Variants in ANKFN1 observed in about 807,000 individuals in gnomAD.
ANKFN1 encodes ankyrin repeat and fibronectin type III domain containing 1.
Under a neutral mutation model 108.7 loss-of-function variants are expected in ANKFN1, and 74 were observed. That is an observed-to-expected ratio of 0.68 (90% CI 0.56 to 0.83). The LOEUF is 0.83. ANKFN1 is among the 40% of genes least tolerant of loss of function. ANKFN1 has a pLI of 0.00. For synonymous variants in ANKFN1, 547 were observed against 516.2 expected (o/e 1.06, Z -0.81); for missense variants, 1,505 against 1,382.3 (o/e 1.09, Z -1.41).
chr17:56,129,202 C>G (rs1907120405), intron 4 of ANKFN1, among the ~76,000 whole-genome samples: 1 of 152,160 alleles, frequency 6.6e-6, no homozygotes, highest in Non-Finnish European at 1.5e-5. Context: ...AACACCTAGA[C>G]TCCTGTTCTG....
chr17:56,341,938 G>C (rs1040648304), intron 4 of ANKFN1, among the ~76,000 whole-genome samples: 1 of 151,738 alleles, frequency 6.6e-6, no homozygotes, highest in African/African-American at 2.4e-5. Context: ...CTGGCCCTGG[G>C]CTTTTTTTGC....
At chr17:56,404,905 C>T (rs371881209) in intron 8 of ANKFN1, among the ~76,000 whole-genome samples, 5 of 152,196 alleles carry the variant, frequency 3.3e-5, no homozygotes, top group African/African-American at 9.7e-5. Context: ...TCCTATGAGT[C>T]GAACTGCAGT....
chr17:56,141,357 T>G (rs768130766), intron 4 of ANKFN1, among the ~76,000 whole-genome samples: 2 of 152,168 alleles, frequency 1.3e-5, no homozygotes, highest in African/African-American at 4.8e-5. Flanking sequence ...TAGTTGAAGA[T>G]TGGGGCAGCT....
chr17:56,297,857 A>G (rs1211752971), intron 3 of ANKFN1, among the ~76,000 whole-genome samples: 4 of 152,242 alleles, frequency 2.6e-5, no homozygotes, highest in Non-Finnish European at 5.9e-5. Context: ...AAACTGTACA[A>G]CACTGGGGAG....
At chr17:56,126,440 C>T (rs1443654165) in intron 4 of ANKFN1, among the ~76,000 whole-genome samples, 1 of 152,070 alleles carries the variant, frequency 6.6e-6, no homozygotes, top group African/African-American at 2.4e-5. Flanking sequence ...GGAGGGGAGG[C>T]TTCGTCATAT....
intron 8 of ANKFN1, among the ~76,000 whole-genome samples, chr17:56,432,322 T>G (rs2048784313): frequency 6.6e-6 from 1 of 151,986 alleles, no homozygotes; most frequent in Non-Finnish European, 1.5e-5. Flanking sequence ...TTTGTCTGAG[T>G]TAGTGATGTG....
intron 16 of ANKFN1, among the ~76,000 whole-genome samples, chr17:56,477,865 T>C (rs2050560115): frequency 6.6e-6 from 1 of 152,156 alleles, no homozygotes; most frequent in Admixed American, 6.5e-5. Context: ...TTCACTCTTG[T>C]TACCCAGGCT....
At chr17:56,189,651 A>G (rs1350473943) in intron 1 of ANKFN1, among the ~76,000 whole-genome samples, 1 of 152,140 alleles carries the variant, frequency 6.6e-6, no homozygotes, top group Non-Finnish European at 1.5e-5. Context: ...ATGCCAGCTT[A>G]TGATTGATAA....
intron 8 of ANKFN1, among the ~76,000 whole-genome samples, chr17:56,378,928 T>C (rs951524211): frequency 2.6e-5 from 4 of 152,168 alleles, no homozygotes; most frequent in African/African-American, 9.7e-5. Flanking sequence ...ATTCACTAGT[T>C]GCTGAGTTGT....
chr17:56,487,987 G>A (rs2050908445), intron 18 of ANKFN1, among the ~76,000 whole-genome samples: 1 of 152,156 alleles, frequency 6.6e-6, no homozygotes, highest in Admixed American at 6.5e-5. Context: ...AGAGGATGAA[G>A]CTAAAAGTTT....
intron 4 of ANKFN1, among the ~76,000 whole-genome samples, chr17:56,056,149 C>T (rs1904873638): frequency 6.6e-6 from 1 of 151,786 alleles, no homozygotes; most frequent in Non-Finnish European, 1.5e-5. Flanking sequence ...GCATAATTTG[C>T]AAATATTTTC....
chr17:56,169,230 T>A (rs1910428519), intron 1 of ANKFN1, among the ~76,000 whole-genome samples: 1 of 152,148 alleles, frequency 6.6e-6, no homozygotes, highest in African/African-American at 2.4e-5. Context: ...AGGAAAAATT[T>A]AATTTCCATT....
chr17:56,097,971 AAAGAT>A (rs1388800378), intron 4 of ANKFN1, among the ~76,000 whole-genome samples: 1 of 152,232 alleles, frequency 6.6e-6, no homozygotes, highest in African/African-American at 2.4e-5. Flanking sequence ...CTTCTATAGA[AAAGAT>A]AAGATTTAGT....
At chr17:56,394,082 G>T (rs1287466092) in intron 8 of ANKFN1, among the ~76,000 whole-genome samples, 1 of 152,198 alleles carries the variant, frequency 6.6e-6, no homozygotes, top group Non-Finnish European at 1.5e-5. Context: ...AATTCACTTT[G>T]CAGTGTAAAG....
chr17:56,388,891 T>C (rs191132581), intron 8 of ANKFN1, among the ~76,000 whole-genome samples: 23 of 152,064 alleles, frequency 1.5e-4, no homozygotes, highest in African/African-American at 5.3e-4. Context: ...TAACAAAGCG[T>C]TTTAATATAG....
intron 15 of ANKFN1, among the ~76,000 whole-genome samples, chr17:56,469,485 A>T (rs1433173705): frequency 6.6e-6 from 1 of 152,166 alleles, no homozygotes; most frequent in South Asian, 2.1e-4. Context: ...TGGTGGAGTG[A>T]TGACCACCAG....
intron 3 of ANKFN1, among the ~76,000 whole-genome samples, chr17:56,314,915 A>C (rs1322784765): frequency 1.3e-5 from 2 of 152,214 alleles, no homozygotes; most frequent in East Asian, 3.8e-4. Flanking sequence ...ATTAGTCATC[A>C]AAACCATCAC....
At chr17:56,052,850 A>G (rs1904801952) in intron 4 of ANKFN1, among the ~76,000 whole-genome samples, 1 of 152,198 alleles carries the variant, frequency 6.6e-6, no homozygotes, top group Non-Finnish European at 1.5e-5. Context: ...CCAGCAGATA[A>G]GAAGGCATTG....
At chr17:56,473,205 A>G (rs1424306298) in intron 15 of ANKFN1, 2 of 152,238 alleles carry the variant, frequency 1.3e-5, no homozygotes, top group Non-Finnish European at 2.9e-5. Flanking sequence ...TGAAACAACA[A>G]TCAAAACAGT....
Sources: allele counts gnomAD v4.1 joint callset (sites outside exome capture counted in the v4.1 genomes callset), GRCh38; gene constraint gnomAD v4.1.1; transcripts MANE v1.5; gene names NCBI Gene and HGNC (gene_info 2026-07-23, HGNC 2026-07-21).